NBAS: variants seen among roughly 807,000 people sequenced by gnomAD.
NBAS encodes the protein NBAS subunit of NRZ tethering complex, also known as NAG/BC035112 fusion.
In NBAS, 219 loss-of-function variants were observed where a neutral mutation model predicts 302.5. The observed-to-expected ratio is 0.72, with a 90% confidence interval of 0.65 to 0.81. The LOEUF (loss-of-function observed/expected upper bound fraction) is 0.81. Ranked by LOEUF, NBAS falls within the 30% of genes least tolerant of loss-of-function variation. The pLI is 0.00. For synonymous variants in NBAS, 1,118 were observed against 1,021.6 expected (o/e 1.09, Z -1.80); for missense variants, 2,932 against 2,841.6 (o/e 1.03, Z -0.72).
the NBAS span, among the ~76,000 whole-genome samples, chr2:14,960,386 C>A: frequency 1.3e-5 from 2 of 152,198 alleles, no homozygotes; most frequent in African/African-American, 4.8e-5. Flanking sequence ...GGCACTCAAT[C>A]CAGAAATGTT....
the NBAS span, among the ~76,000 whole-genome samples, chr2:15,023,184 A>C: frequency 2.6e-3 from 397 of 152,294 alleles, 3 homozygotes; most frequent in African/African-American, 7.5e-3. Context: ...ATTTGATTGC[A>C]TCATGCTTTT....
At chr2:14,875,420 A>C in the NBAS span, among the ~76,000 whole-genome samples, 1 of 152,036 alleles carries the variant, frequency 6.6e-6, no homozygotes, top group Non-Finnish European at 1.5e-5. Context: ...TTCAAGACCA[A>C]CCTGGCCAAC....
intron 32 of NBAS, among the ~76,000 whole-genome samples, chr2:15,358,671 C>T (rs539688139): frequency 2.2e-4 from 33 of 152,206 alleles, no homozygotes; most frequent in Non-Finnish European, 3.8e-4. Flanking sequence ...TCTTGAACTC[C>T]TGGACTGAAG....
At chr2:14,922,524 C>T in the NBAS span, among the ~76,000 whole-genome samples, 5 of 152,340 alleles carry the variant, frequency 3.3e-5, no homozygotes, top group East Asian at 7.7e-4. Flanking sequence ...CTTTCCTTTA[C>T]ATCCTCACAT....
the NBAS span, among the ~76,000 whole-genome samples, chr2:15,002,663 G>T: frequency 6.6e-6 from 1 of 152,234 alleles, no homozygotes; most frequent in Non-Finnish European, 1.5e-5. Context: ...CGGGCTGCAG[G>T]TCCCGAGCCC....
intron 27 of NBAS, 94 bp downstream of exon 27, chr2:15,396,319 G>GA: frequency 9.9e-7 from 1 of 1,014,082 alleles, no homozygotes; most frequent in Admixed American, 2.6e-5. Flanking sequence ...GGTTAAAGTA[G>GA]AAACGATGAC....
chr2:15,466,846 A>G (rs910365036), intron 19 of NBAS, among the ~76,000 whole-genome samples: 1 of 151,964 alleles, frequency 6.6e-6, no homozygotes, highest in African/African-American at 2.4e-5. Context: ...CTAAGGGATG[A>G]GAATCGCCTG....
the NBAS span, among the ~76,000 whole-genome samples, chr2:15,146,392 T>A: frequency 6.6e-6 from 1 of 152,096 alleles, no homozygotes; most frequent in Admixed American, 6.5e-5. Flanking sequence ...GTGATGCATA[T>A]CTTCTACAAG....
chr2:15,331,291 G>A (rs547123196), intron 35 of NBAS, among the ~76,000 whole-genome samples: 66 of 152,198 alleles, frequency 4.3e-4, no homozygotes, highest in African/African-American at 1.0e-3. Context: ...TAATGTGTAC[G>A]GTACCTCCTG....
intron 8 of NBAS, 51 bp downstream of exon 8, chr2:15,536,367 A>G (rs1260514477): frequency 1.3e-6 from 2 of 1,590,354 alleles, no homozygotes; most frequent in African/African-American, 1.3e-5. Flanking sequence ...CTGACATTAA[A>G]CCAGAGAAAT....
At chr2:15,166,393 AT>A (rs945555092), downstream of NBAS, among the ~76,000 whole-genome samples, 2 of 152,146 alleles carry the variant, frequency 1.3e-5, no homozygotes, top group African/African-American at 4.8e-5. Context: ...GCAATCATGT[AT>A]TGGTCCTGAT....
Position 15,276,888 on chromosome 2 carries a change from G to A in NBAS, c.5352C>T (p.His1784=). Residue 1784 remains histidine (H), a synonymous_variant, in exon 43 of 52, where the codon CAC becomes CAT. Coordinates refer to ENST00000281513, the MANE Select transcript of NBAS (RefSeq NM_015909.4). ...LGNCAIKPET[H]IRLLKKFKVV... ...CCTTAAACTTCTTCAGCAGTCGAAT[G>A]TGGGTTTCTGGTTTAATGGCACAGT... 6.2e-7 allele frequency: 1 copy of A among 1,614,074 alleles called. No homozygotes were observed. Among genetic ancestry groups the A allele is most frequent in the Non-Finnish European group, 8.5e-7 (1 of 1,179,956 alleles).
the NBAS span, among the ~76,000 whole-genome samples, chr2:14,976,721 C>T: frequency 6.6e-6 from 1 of 151,754 alleles, no homozygotes; most frequent in Non-Finnish European, 1.5e-5. Flanking sequence ...GGCCCTAATT[C>T]CAATAACAAG....
chr2:14,853,998 A>G, the NBAS span, among the ~76,000 whole-genome samples: 1 of 146,050 alleles, frequency 6.8e-6, no homozygotes, highest in Non-Finnish European at 1.5e-5. Context: ...GGTGCAGCGC[A>G]CCAGCATGGC....
intron 47 of NBAS, among the ~76,000 whole-genome samples, chr2:15,220,054 G>A (rs1572472287): frequency 6.7e-6 from 1 of 148,152 alleles, no homozygotes; most frequent in South Asian, 2.1e-4. Context: ...CTCCCTCCCG[G>A]ACGGGGCGGC....
the NBAS span, among the ~76,000 whole-genome samples, chr2:14,989,025 C>G: frequency 1.2e-4 from 19 of 152,016 alleles, no homozygotes; most frequent in African/African-American, 4.6e-4. Flanking sequence ...AAATGTCCAG[C>G]AATAAAAGAA....
At chr2:15,162,994 C>A (rs1646660627), downstream of NBAS, among the ~76,000 whole-genome samples, 1 of 152,182 alleles carries the variant, frequency 6.6e-6, no homozygotes, top group Admixed American at 6.5e-5. Flanking sequence ...AAAGATAAGA[C>A]CCAGTTCTCA....
intron 43 of NBAS, among the ~76,000 whole-genome samples, chr2:15,276,252 T>C (rs1381646918): frequency 6.6e-6 from 1 of 152,210 alleles, no homozygotes; most frequent in African/African-American, 2.4e-5. Context: ...AGTGTCTCAT[T>C]TGATTATTCA....
At chr2:15,101,665 G>A in the NBAS span, among the ~76,000 whole-genome samples, 5 of 152,228 alleles carry the variant, frequency 3.3e-5, no homozygotes, top group African/African-American at 1.2e-4. Context: ...ATGATTAACC[G>A]ATGGATGGAG....
Sources: gnomAD v4.1 joint callset for allele counts (sites outside exome capture counted in the v4.1 genomes callset) on GRCh38, gnomAD v4.1.1 for gene constraint, MANE v1.5 for transcripts, NCBI Gene and HGNC (gene_info 2026-07-23, HGNC 2026-07-21) for gene names.